NACC2: variants seen among roughly 807,000 people sequenced by gnomAD.
NACC2 encodes the protein nucleus accumbens-associated protein 2.
Under a neutral mutation model 25.1 loss-of-function variants are expected in NACC2, and 8 were observed. The ratio of observed to expected loss-of-function variants is 0.32; its 90% CI spans 0.19 to 0.57. The LOEUF is 0.57. NACC2 is among the 20% of genes least tolerant of loss of function. NACC2 has a pLI of 0.89. For missense variants in NACC2, 644 were observed against 650.2 expected (o/e 0.99, Z 0.10); for synonymous variants, 435 against 294.7 (o/e 1.48, Z -4.88).
In NACC2 at chr9:136,086,515, C is replaced by T. The variant is rs993668980; in HGVS notation, c.-60+8674G>A. On this transcript the variant is annotated intron_variant, in intron 1 of 5. Transcript: ENST00000277554. This position sits in a 1 kb window ranked among gnomAD's most constrained non-coding sequence, Gnocchi z 5.6. ...GGGACGTCGCATGCCCCCAGCTTCC[C>T]GACAGCCATCTGCCTGCCAGCACCC... Among the ~76,000 whole-genome samples the T allele has an allele frequency of 2.6e-5, 4 of 152,092 alleles. No homozygotes were observed. The highest frequency in any genetic ancestry group is 6.5e-5 in the Admixed American group (1 of 15,274).
chr9:136,048,271 G>A (rs1840759076), intron 2 of NACC2, among the ~76,000 whole-genome samples: 1 of 152,212 alleles, frequency 6.6e-6, no homozygotes, highest in Non-Finnish European at 1.5e-5. Context: ...TGCCTTCCCT[G>A]GGGTGGCTGT....
intron 1 of NACC2, among the ~76,000 whole-genome samples, chr9:136,066,745 G>A (rs184168409): frequency 2.0e-5 from 3 of 152,102 alleles, no homozygotes; most frequent in East Asian, 3.9e-4. Context: ...TGTCTATCAC[G>A]GGCTGAATGG....
At position 136,085,640 on chromosome 9, in the gene NACC2, C is replaced by T. The variant is rs183155081; in HGVS notation, c.-60+9549G>A. Among the ~76,000 whole-genome samples, 604 of 152,020 alleles carry T rather than the reference C, an allele frequency of 4.0e-3. 15 individuals are homozygous for T. Among genetic ancestry groups the T allele is most frequent in the Admixed American group, 0.034 (514 of 15,284 alleles). ...CCAGGGGGTGGGTACAGGCGGGTGG[C>T]GGGCAGCCCTCTGCCCACACTGGAA... On this transcript the variant is annotated intron_variant, in intron 1 of 5. Coordinates refer to ENST00000277554, the MANE Select transcript of NACC2 (RefSeq NM_144653.5).
chr9:136,019,092 GC>G lies in NACC2; in HGVS notation c.887-2664del, dbSNP rs1453085280. On this transcript the variant is annotated intron_variant, in intron 2 of 5. Coordinates refer to ENST00000277554, the MANE Select transcript of NACC2 (RefSeq NM_144653.5). The surrounding 1 kb of genome is among the most constrained non-coding windows in gnomAD (Gnocchi z 5.2). ...GGGTGCTGCTGGCTAAAAACACCCCGCCCCGAGTGGAAGCTCGTCCGCAAAG... is the reference window on the plus strand; with the variant it reads ...GGGTGCTGCTGGCTAAAAACACCCCGCCCGAGTGGAAGCTCGTCCGCAAAG... 1.3e-5 allele frequency: 2 copies of G among 151,614 alleles called. No individual in the cohort carries two copies. Among genetic ancestry groups the G allele is most frequent in the Admixed American group, 6.6e-5 (1 of 15,214 alleles). 9.4% of individuals were successfully genotyped at this position (151,614 alleles called of 1,614,324 possible). A position where few individuals can be genotyped will look rare whatever the true frequency, so the allele number is the denominator to read the frequency against.
intron 2 of NACC2, among the ~76,000 whole-genome samples, chr9:136,030,747 C>T (rs1001714938): frequency 2.6e-5 from 4 of 152,086 alleles, no homozygotes; most frequent in Non-Finnish European, 4.4e-5. Flanking sequence ...CTACAACCTG[C>T]GCCTCCCAGG....
rs954449393 is a variant in NACC2 at position 136,053,065 on chromosome 9, G to GC, written c.-59-2486dup. Among the ~76,000 whole-genome samples, 3 of 152,362 alleles carry GC rather than the reference G, an allele frequency of 2.0e-5. No individual in the cohort carries two copies. In the East Asian group the frequency reaches 5.8e-4, roughly 29 times the overall value. ...GTCCAGGCTCGAGGCCTTGAGGTGA[G>GC]CCCCCTCCTGCTTGGCCAGCTGCCT... On this transcript the variant is annotated intron_variant, in intron 1 of 5. Transcript: ENST00000277554.
intron 1 of NACC2, among the ~76,000 whole-genome samples, chr9:136,078,983 C>T (rs549630553): frequency 9.8e-5 from 15 of 152,360 alleles, no homozygotes; most frequent in Non-Finnish European, 2.2e-4. Flanking sequence ...GCCGCCGCCC[C>T]TCTCCGATTC....
intron 1 of NACC2, among the ~76,000 whole-genome samples, chr9:136,065,391 G>A (rs777241121): frequency 1.0e-3 from 159 of 152,194 alleles, no homozygotes; most frequent in Non-Finnish European, 1.4e-3. Flanking sequence ...AGGCCGAGGC[G>A]GGCAGATCAC....
rs924504470 is a variant in NACC2, at chr9:136,019,003, G to A, written c.887-2574C>T. ...CCAGCCCCTGCCCAGCTCCCCAAGAGCCAGAGACTGTCAGCACCAGAGCGG... is the reference window on the plus strand; with the variant it reads ...CCAGCCCCTGCCCAGCTCCCCAAGAACCAGAGACTGTCAGCACCAGAGCGG... On this transcript the variant is annotated intron_variant, in intron 2 of 5. Coordinates refer to ENST00000277554, the MANE Select transcript of NACC2 (RefSeq NM_144653.5). This position sits in a 1 kb window ranked among gnomAD's most constrained non-coding sequence, Gnocchi z 5.2. Among the ~76,000 whole-genome samples the A allele has an allele frequency of 2.6e-5, 4 of 151,952 alleles. No homozygotes were observed. Among genetic ancestry groups the A allele is most frequent in the Admixed American group, 1.3e-4 (2 of 15,262 alleles).
chr9:136,011,157 G>C lies in NACC2; in HGVS notation c.*359C>G. 5.8e-6 allele frequency: 1 copy of C among 173,374 alleles called. No individual in the cohort carries two copies. Among genetic ancestry groups the C allele is most frequent in the Non-Finnish European group, 1.2e-5 (1 of 82,700 alleles). 10.7% of individuals were successfully genotyped at this position (173,374 alleles called of 1,614,324 possible). ...ACCGCCGGCCCCTGCTTCGTCTTCCGGGCAGGAGGAGCAGGAAGGGCAGGG... is the reference window on the plus strand; with the variant it reads ...ACCGCCGGCCCCTGCTTCGTCTTCCCGGCAGGAGGAGCAGGAAGGGCAGGG... On this transcript the variant is annotated 3_prime_UTR_variant, in exon 6 of 6. Transcript: ENST00000277554.
At chr9:136,077,104 C>T (rs890274956) in intron 1 of NACC2, among the ~76,000 whole-genome samples, 24 of 151,164 alleles carry the variant, frequency 1.6e-4, no homozygotes, top group Admixed American at 3.3e-4. Flanking sequence ...CGCTTGAACC[C>T]GGAGGTGGAG....
chr9:136,011,249 A>C lies in NACC2; in HGVS notation c.*267T>G, dbSNP rs1328835349. Reference sequence around the variant, plus strand: ...CACCCTCCCCAAGAAGGGGGAGGGAAGCTACACTTGGAGGCTGACCTTGTG... The same window carrying C: ...CACCCTCCCCAAGAAGGGGGAGGGACGCTACACTTGGAGGCTGACCTTGTG... On this transcript the variant is annotated 3_prime_UTR_variant, in exon 6 of 6. Coordinates refer to ENST00000277554, the MANE Select transcript of NACC2 (RefSeq NM_144653.5). The C allele has an allele frequency of 1.3e-4, 34 of 263,454 alleles. No homozygotes were observed. Among genetic ancestry groups the C allele is most frequent in the East Asian group, 2.8e-4 (4 of 14,302 alleles). 16.3% of individuals were successfully genotyped at this position (263,454 alleles called of 1,614,324 possible).
At chr9:136,030,956 C>T (rs941826148) in intron 2 of NACC2, among the ~76,000 whole-genome samples, 11 of 152,094 alleles carry the variant, frequency 7.2e-5, no homozygotes, top group African/African-American at 2.2e-4. Flanking sequence ...CCACCGTGCC[C>T]GGCCAATACA....
At chr9:136,062,944 G>A (rs975464418) in intron 1 of NACC2, among the ~76,000 whole-genome samples, 13 of 152,268 alleles carry the variant, frequency 8.5e-5, no homozygotes, top group Non-Finnish European at 1.5e-4. Flanking sequence ...AAAATTATAC[G>A]TTCACAGGAC....
intron 3 of NACC2, among the ~76,000 whole-genome samples, chr9:136,015,800 C>T (rs953893703): frequency 6.6e-6 from 1 of 152,176 alleles, no homozygotes; most frequent in African/African-American, 2.4e-5. Flanking sequence ...GCTATGACGC[C>T]AAAGGAATCC....
chr9:136,048,575 G>A (rs1840762688), intron 2 of NACC2, among the ~76,000 whole-genome samples: 1 of 152,264 alleles, frequency 6.6e-6, no homozygotes, highest in African/African-American at 2.4e-5. Context: ...TAAACCAAGT[G>A]CGGAGTTCTC....
chr9:136,079,733 C>G (rs77006359), intron 1 of NACC2, among the ~76,000 whole-genome samples: 4,877 of 152,270 alleles, frequency 0.032, 246 homozygotes, highest in African/African-American at 0.11. Flanking sequence ...AGATGGGTCT[C>G]AGGCCTCCCA....
intron 1 of NACC2, among the ~76,000 whole-genome samples, chr9:136,089,897 G>T (rs931493562): frequency 3.3e-5 from 5 of 151,426 alleles, no homozygotes; most frequent in African/African-American, 1.2e-4. Context: ...TGCCTAAAGG[G>T]TTTCAAAAGT....
chr9:136,029,650 T>C (rs536395954), intron 2 of NACC2, among the ~76,000 whole-genome samples: 10 of 152,258 alleles, frequency 6.6e-5, no homozygotes, highest in Non-Finnish European at 1.0e-4. Context: ...GTTCCTGGCA[T>C]CTCCAAGCTT....
Sources: allele counts gnomAD v4.1 joint callset (sites outside exome capture counted in the v4.1 genomes callset), GRCh38; gene constraint gnomAD v4.1.1; non-coding constraint Gnocchi (gnomAD v3.1); transcripts MANE v1.5; gene names NCBI Gene and HGNC (gene_info 2026-07-23, HGNC 2026-07-21).